The following UGT1A9 variants were observed in gnomAD, a reference collection of about 807,000 sequenced individuals.
UGT1A9 encodes the protein UDP-glucuronosyltransferase 1A9.
A neutral mutation model predicts 45.0 loss-of-function variants in UGT1A9; 35 were observed. The ratio of observed to expected loss-of-function variants is 0.78; its 90% CI spans 0.59 to 1.03. The LOEUF is 1.03. Among genes scored for constraint, UGT1A9 ranks in the 50% least tolerant of loss-of-function variants. The probability of loss-of-function intolerance (pLI) is 0.00; values close to 1 mark genes in which losing one functional copy is unlikely to be tolerated. For missense variants in UGT1A9, 687 were observed against 666.6 expected (o/e 1.03, Z -0.34); for synonymous variants, 278 against 250.6 (o/e 1.11, Z -1.03).
At chr2:233,688,761 C>T (rs1179543054) in intron 1 of UGT1A9, among the ~76,000 whole-genome samples, 1 of 152,092 alleles carries the variant, frequency 6.6e-6, no homozygotes, top group Non-Finnish European at 1.5e-5. Context: ...ATCAAATGAA[C>T]ATGGCTTTGC....
At chr2:233,715,877 G>A (rs2076474455) in intron 1 of UGT1A9, among the ~76,000 whole-genome samples, 1 of 152,174 alleles carries the variant, frequency 6.6e-6, no homozygotes, top group Non-Finnish European at 1.5e-5. Context: ...TTGTGCCTGT[G>A]GCCCCAGCTA....
At chr2:233,692,127 A>G (rs2075080184) in intron 1 of UGT1A9, 1 of 152,198 alleles carries the variant, frequency 6.6e-6, no homozygotes, top group Admixed American at 6.5e-5. Context: ...AATCATGCCT[A>G]CTATGTATGG....
At chr2:233,758,070 G>T (rs1696791398) in intron 1 of UGT1A9, among the ~76,000 whole-genome samples, 1 of 152,026 alleles carries the variant, frequency 6.6e-6, no homozygotes, top group South Asian at 2.1e-4. Flanking sequence ...TGACTTTCTG[G>T]GCCTAGTTCC....
At chr2:233,682,792 G>A in intron 1 of UGT1A9, 1 of 1,611,130 alleles carries the variant, frequency 6.2e-7, no homozygotes, top group South Asian at 1.1e-5. Flanking sequence ...CAGTGCCTAT[G>A]GTAAGTTATC....
intron 1 of UGT1A9, among the ~76,000 whole-genome samples, chr2:233,696,367 C>T (rs2075340033): frequency 1.3e-5 from 2 of 151,946 alleles, no homozygotes; most frequent in Admixed American, 1.3e-4. Flanking sequence ...AAATTTATTC[C>T]TAGGTATTAT....
intron 1 of UGT1A9, chr2:233,693,775 T>C (rs775225798): frequency 6.2e-7 from 1 of 1,614,262 alleles, no homozygotes; most frequent in South Asian, 1.1e-5. Context: ...TGTTAAGATA[T>C]GACTTTGTGC....
rs1260954458 is a variant in UGT1A9, at chr2:233,760,768, G to A, written c.856-6266G>A. ...TTTCCTTCCTTGCAGCCCCATCGTG[G>A]CCCAGTACCTGTCTCTGCCCACTGT... is the stretch of plus-strand genomic sequence containing the variant. On this transcript the variant is annotated intron_variant, in intron 1 of 4. Coordinates refer to ENST00000354728, the MANE Select transcript of UGT1A9 (RefSeq NM_021027.3). 3.1e-6 allele frequency: 5 copies of A among 1,613,838 alleles called. 1 individual carries two copies. The highest frequency in any genetic ancestry group is 3.4e-6 in the Non-Finnish European group (4 of 1,179,918).
intron 1 of UGT1A9, chr2:233,691,042 C>T (rs1369045618): frequency 5.1e-6 from 5 of 989,126 alleles, no homozygotes; most frequent in South Asian, 9.3e-5. Flanking sequence ...CCAACGTCCA[C>T]AGCAGAGTGG....
chr2:233,768,582 CTTTTTTTT>C (rs139595073), intron 4 of UGT1A9, 143 bp downstream of exon 4: 33 of 1,033,056 alleles, frequency 3.2e-5, no homozygotes, highest in Middle Eastern at 4.0e-4. Context: ...TTTATTTCTT[CTTTTTTTT>C]TTTTTTTTTT....
rs764918207 is a variant in UGT1A9 at position 233,760,359 on chromosome 2, G to A, written c.856-6675G>A. 62 of 1,614,004 alleles carry A rather than the reference G, an allele frequency of 3.8e-5. No homozygotes were observed. The South Asian group carries it at 4.0e-4, about 10-fold the overall frequency. ...TGCTGTGTGTGCTGGGCCCAGTGGTGTCCCATGCTGGGAAGATACTGTTGA... is the reference window on the plus strand; with the variant it reads ...TGCTGTGTGTGCTGGGCCCAGTGGTATCCCATGCTGGGAAGATACTGTTGA... On this transcript the variant is annotated intron_variant, in intron 1 of 4. Transcript: ENST00000354728.
chr2:233,762,039 CTG>C (rs1484213771), intron 1 of UGT1A9, among the ~76,000 whole-genome samples: 1 of 152,090 alleles, frequency 6.6e-6, no homozygotes, highest in Non-Finnish European at 1.5e-5. Flanking sequence ...TTTTAATTTT[CTG>C]TGCATTTTCC....
intron 4 of UGT1A9, chr2:233,770,280 A>G (rs889485504): frequency 6.6e-6 from 1 of 152,192 alleles, no homozygotes; most frequent in Non-Finnish European, 1.5e-5. Context: ...CACAAAATAA[A>G]AAGAAGTGGA....
At chr2:233,701,948 A>G (rs2075662361) in intron 1 of UGT1A9, among the ~76,000 whole-genome samples, 1 of 152,208 alleles carries the variant, frequency 6.6e-6, no homozygotes, top group African/African-American at 2.4e-5. Flanking sequence ...GAAAAGCAAG[A>G]GCAAACACAT....
In UGT1A9 at chr2:233,710,708, G is replaced by A. The variant is rs114746261; in HGVS notation, c.855+37919G>A. Among the ~76,000 whole-genome samples, 1,495 of 152,198 alleles carry A rather than the reference G, an allele frequency of 9.8e-3. 22 individuals carry two copies. Among genetic ancestry groups the A allele is most frequent in the African/African-American group, 0.034 (1,426 of 41,536 alleles). Reference sequence around the variant, plus strand: ...TTACTTCTGGTGTGTGGTGTCCTTTGTTTCATTTTTTAAAAAACAACGTCT... The same window carrying A: ...TTACTTCTGGTGTGTGGTGTCCTTTATTTCATTTTTTAAAAAACAACGTCT... On this transcript the variant is annotated intron_variant, in intron 1 of 4. Transcript: ENST00000354728.
At chr2:233,772,141 A>G in intron 4 of UGT1A9, 121 bp from the exon 5 acceptor site, 1 of 1,549,926 alleles carries the variant, frequency 6.5e-7, no homozygotes, top group South Asian at 1.2e-5. Context: ...CAATAATAGA[A>G]ACAGGTTTCC....
In UGT1A9 at chr2:233,705,292, T is replaced by C. The variant is rs116122647; in HGVS notation, c.855+32503T>C. On this transcript the variant is annotated intron_variant, in intron 1 of 4. Coordinates refer to ENST00000354728, the MANE Select transcript of UGT1A9 (RefSeq NM_021027.3). Reference sequence around the variant, plus strand: ...TGCTTTCAACCTGAAGAACTTCCTTTAGTATTTCTTGTAAGTTGAGTTTTT... The same window carrying C: ...TGCTTTCAACCTGAAGAACTTCCTTCAGTATTTCTTGTAAGTTGAGTTTTT... Among the ~76,000 whole-genome samples the C allele has an allele frequency of 8.8e-3, 1,348 of 152,332 alleles. 24 individuals are homozygous for C. Among genetic ancestry groups the C allele is most frequent in the African/African-American group, 0.031 (1,278 of 41,568 alleles).
chr2:233,719,420 C>A (rs755279919), intron 1 of UGT1A9: 9 of 1,613,938 alleles, frequency 5.6e-6, no homozygotes, highest in Non-Finnish European at 6.8e-6. Flanking sequence ...TACTAACGAC[C>A]AATTCAGACC....
intron 1 of UGT1A9, chr2:233,755,289 T>C (rs1695843329): frequency 6.1e-6 from 4 of 651,342 alleles, no homozygotes; most frequent in Non-Finnish European, 9.5e-6. Context: ...CCAAAGAGCC[T>C]GCGGGGCACT....
At chr2:233,739,217 T>C (rs913655982) in intron 1 of UGT1A9, among the ~76,000 whole-genome samples, 1 of 152,096 alleles carries the variant, frequency 6.6e-6, no homozygotes, top group Non-Finnish European at 1.5e-5. Flanking sequence ...ATGGATAGAG[T>C]CCTTATAGAG....
Sources: allele counts gnomAD v4.1 joint callset (sites outside exome capture counted in the v4.1 genomes callset), GRCh38; gene constraint gnomAD v4.1.1; transcripts MANE v1.5; gene names NCBI Gene and HGNC (gene_info 2026-07-23, HGNC 2026-07-21).